The following CD99L2 variants were observed in gnomAD, a reference collection of about 807,000 sequenced individuals.
The protein encoded by CD99L2 is CD99 antigen-like protein 2.
In CD99L2, 24 loss-of-function variants were observed where a neutral mutation model predicts 27.3. The observed-to-expected ratio is 0.88, with a 90% CI of 0.64 to 1.24. The LOEUF (loss-of-function observed/expected upper bound fraction) is 1.24. Among genes scored for constraint, CD99L2 ranks in the 50% most tolerant of loss-of-function variants. CD99L2 has a pLI of 0.00. For missense variants in CD99L2, 255 were observed against 221.6 expected, an observed-to-expected ratio of 1.15 and a Z score of -0.96; for synonymous variants, 97 against 87.9, an observed-to-expected ratio of 1.10 and a Z score of -0.58.
At chrX:150,820,518 C>T (rs2046229638) in intron 2 of CD99L2, among the ~76,000 whole-genome samples, 1 of 111,664 alleles carries the variant, frequency 9.0e-6, no homozygotes, top group Admixed American at 9.5e-5. Flanking sequence ...AAGAGAATTT[C>T]CTCAACCTGA....
chrX:150,845,515 G>C (rs982390001), intron 1 of CD99L2, among the ~76,000 whole-genome samples: 1 of 110,762 alleles, frequency 9.0e-6, no homozygotes, highest in Non-Finnish European at 1.9e-5. Context: ...GAGTGCCCTG[G>C]GACCTCAGAG....
intron 1 of CD99L2, among the ~76,000 whole-genome samples, chrX:150,887,088 G>A (rs1603321768): frequency 9.3e-6 from 1 of 107,897 alleles, no homozygotes; most frequent in South Asian, 4.2e-4. Context: ...AGGCAGCATT[G>A]AGCCATGATG....
At chrX:150,875,584 G>C (rs781966314) in intron 1 of CD99L2, among the ~76,000 whole-genome samples, 1 of 111,750 alleles carries the variant, frequency 8.9e-6, no homozygotes, top group South Asian at 3.8e-4. Context: ...CTCTATAATA[G>C]TGTTACTCCA....
chrX:150,888,175 C>T (rs1218020600), intron 1 of CD99L2, among the ~76,000 whole-genome samples: 2 of 111,784 alleles, frequency 1.8e-5, no homozygotes, highest in African/African-American at 6.5e-5. Context: ...AGACCATGAT[C>T]TAGGCATATA....
intron 4 of CD99L2, among the ~76,000 whole-genome samples, chrX:150,813,072 G>A (rs1222793498): frequency 9.0e-6 from 1 of 111,411 alleles, no homozygotes; most frequent in Non-Finnish European, 1.9e-5. Context: ...TTAGGAAAGG[G>A]ATGGGGAAGG....
At chrX:150,831,610 G>A (rs1557421067) in intron 1 of CD99L2, among the ~76,000 whole-genome samples, 1 of 111,324 alleles carries the variant, frequency 9.0e-6, no homozygotes, top group Admixed American at 9.6e-5. Context: ...GTGGAGGGTG[G>A]GAGGAGGGAG....
intron 1 of CD99L2, among the ~76,000 whole-genome samples, chrX:150,849,020 C>T (rs1242484857): frequency 9.0e-6 from 1 of 111,510 alleles, no homozygotes; most frequent in Non-Finnish European, 1.9e-5. Context: ...TCAACCACTT[C>T]CTCCCTTTGA....
At chrX:150,872,676 C>A (rs142130012) in intron 1 of CD99L2, among the ~76,000 whole-genome samples, 4 of 106,244 alleles carry the variant, frequency 3.8e-5, no homozygotes, top group African/African-American at 6.9e-5. Flanking sequence ...AAAAAAAAAT[C>A]CCCCACTACT....
At chrX:150,770,950 C>T (rs1371815018) in intron 9 of CD99L2, among the ~76,000 whole-genome samples, 2 of 112,848 alleles carry the variant, frequency 1.8e-5, no homozygotes, top group East Asian at 2.8e-4. Context: ...CCAGCAGCTG[C>T]TTCAGTCTAG....
At chrX:150,863,217 C>T (rs1166488952) in intron 1 of CD99L2, among the ~76,000 whole-genome samples, 3 of 111,986 alleles carry the variant, frequency 2.7e-5, no homozygotes, top group Non-Finnish European at 5.6e-5. Context: ...GGTAAGGTGA[C>T]AAACAATGGC....
intron 1 of CD99L2, among the ~76,000 whole-genome samples, chrX:150,895,360 C>A (rs1397367460): frequency 8.9e-6 from 1 of 111,799 alleles, no homozygotes; most frequent in Non-Finnish European, 1.9e-5. Flanking sequence ...GACTGAAAAG[C>A]CCTCTGTAAT....
chrX:150,812,720 T>G (rs551822039), intron 4 of CD99L2, among the ~76,000 whole-genome samples: 1 of 112,264 alleles, frequency 8.9e-6, no homozygotes, highest in African/African-American at 3.2e-5. Context: ...AAAGAAAAAT[T>G]TATGTTCACA....
intron 4 of CD99L2, among the ~76,000 whole-genome samples, chrX:150,806,939 T>C (rs1603295613): frequency 1.8e-5 from 2 of 111,256 alleles, no homozygotes; most frequent in East Asian, 2.9e-4. Context: ...TGAGATGGTA[T>C]ACACAGGCAA....
rs1488019832 is a variant in CD99L2 at position 150,768,119 on chromosome X, C to G, written c.*915G>C. ...GCCCCCAATTACATTTTTAAGCAAACAAGCAGGATTCTGGCTTTGATGCTC... is the reference window on the plus strand; with the variant it reads ...GCCCCCAATTACATTTTTAAGCAAAGAAGCAGGATTCTGGCTTTGATGCTC... On this transcript the variant is annotated 3_prime_UTR_variant, in exon 11 of 11. Coordinates refer to ENST00000370377, the MANE Select transcript of CD99L2 (RefSeq NM_031462.4). 1.8e-5 allele frequency: 2 copies of G among 111,568 alleles called. No homozygotes were observed. Among genetic ancestry groups the G allele is most frequent in the African/African-American group, 6.5e-5 (2 of 30,631 alleles). 9.2% of individuals were successfully genotyped at this position (111,568 alleles called of 1,213,427 possible).
chrX:150,877,774 G>A (rs1214965310), intron 1 of CD99L2, among the ~76,000 whole-genome samples: 3 of 110,498 alleles, frequency 2.7e-5, no homozygotes, highest in East Asian at 2.9e-4. Flanking sequence ...AGCTGTGATC[G>A]CACCACTGCA....
chrX:150,800,656 G>A (rs1278969707), intron 4 of CD99L2, among the ~76,000 whole-genome samples: 2 of 110,700 alleles, frequency 1.8e-5, no homozygotes, highest in Non-Finnish European at 3.8e-5. Context: ...ACTAAAGGAG[G>A]GACAAATGTC....
At chrX:150,892,531 G>A (rs1479411221) in intron 1 of CD99L2, among the ~76,000 whole-genome samples, 1 of 98,645 alleles carries the variant, frequency 1.0e-5, no homozygotes, top group Non-Finnish European at 2.0e-5. Flanking sequence ...GCGTGAACCC[G>A]GGAGGCGGAG....
At chrX:150,862,862 G>A (rs782638898) in intron 1 of CD99L2, among the ~76,000 whole-genome samples, 8 of 102,674 alleles carry the variant, frequency 7.8e-5, no homozygotes, top group Non-Finnish European at 1.4e-4. Flanking sequence ...GAGACAGAGA[G>A]AGAAAGAAAG....
chrX:150,846,132 C>T (rs1381580603), intron 1 of CD99L2, among the ~76,000 whole-genome samples: 3 of 112,401 alleles, frequency 2.7e-5, no homozygotes, highest in African/African-American at 9.7e-5. Context: ...GCGGAGGTTG[C>T]AGTGAGCCAA....
Sources: gnomAD v4.1 joint callset for allele counts (sites outside exome capture counted in the v4.1 genomes callset) on GRCh38, gnomAD v4.1.1 for gene constraint, MANE v1.5 for transcripts, NCBI Gene and HGNC (gene_info 2026-07-23, HGNC 2026-07-21) for gene names.